Variants in PDE8B observed in about 807,000 individuals in gnomAD.
PDE8B encodes the protein phosphodiesterase 8B.
Under a neutral mutation model 101.3 loss-of-function variants are expected in PDE8B, and 26 were observed. The ratio of observed to expected loss-of-function variants is 0.26; its 90% CI spans 0.19 to 0.36. The LOEUF (loss-of-function observed/expected upper bound fraction) is 0.36. PDE8B is among the 10% of genes least tolerant of loss of function. The pLI is 1.00. For synonymous variants in PDE8B, 424 were observed against 429.3 expected, an observed-to-expected ratio of 0.99 and a Z score of 0.15; for missense variants, 810 against 1,163.1, an observed-to-expected ratio of 0.70 and a Z score of 4.42.
intron 1 of PDE8B, among the ~76,000 whole-genome samples, chr5:77,212,048 A>G (rs1393272495): frequency 6.6e-6 from 1 of 152,196 alleles, no homozygotes; most frequent in Non-Finnish European, 1.5e-5. Flanking sequence ...TAGATGGTTA[A>G]AGCAGTCGCT....
chr5:77,125,647 C>T, the PDE8B span, among the ~76,000 whole-genome samples: 6 of 152,140 alleles, frequency 3.9e-5, no homozygotes, highest in African/African-American at 1.4e-4. Context: ...TGGGTATCTC[C>T]TACATCATCC....
At chr5:77,341,478 A>AGT (rs1779193454) in intron 6 of PDE8B, among the ~76,000 whole-genome samples, 1 of 152,254 alleles carries the variant, frequency 6.6e-6, no homozygotes, top group African/African-American at 2.4e-5. Context: ...AATAGTCTGA[A>AGT]GTACCTGTTT....
intron 2 of PDE8B, among the ~76,000 whole-genome samples, chr5:77,325,290 C>T (rs766545029): frequency 2.0e-5 from 3 of 152,172 alleles, no homozygotes; most frequent in Non-Finnish European, 1.5e-5. Context: ...ATCTCAGCCT[C>T]CTGAGTAGTG....
At chr5:77,281,831 C>T (rs1312621888) in intron 1 of PDE8B, among the ~76,000 whole-genome samples, 1 of 152,158 alleles carries the variant, frequency 6.6e-6, no homozygotes, top group African/African-American at 2.4e-5. Flanking sequence ...GTCATTATCA[C>T]TTCACCCCCT....
the PDE8B span, among the ~76,000 whole-genome samples, chr5:77,150,813 C>A: frequency 6.6e-6 from 1 of 152,086 alleles, no homozygotes; most frequent in South Asian, 2.1e-4. Flanking sequence ...TGAGAACTAC[C>A]CTTATTTTTC....
chr5:77,252,596 T>C (rs1440133704), intron 1 of PDE8B, among the ~76,000 whole-genome samples: 2 of 152,220 alleles, frequency 1.3e-5, no homozygotes, highest in East Asian at 1.9e-4. Flanking sequence ...TGCCCTATTA[T>C]GTCTGTTGCT....
chr5:77,116,951 T>A, the PDE8B span, among the ~76,000 whole-genome samples: 1 of 152,186 alleles, frequency 6.6e-6, no homozygotes, highest in Admixed American at 6.5e-5. Flanking sequence ...GTAAGTGCCC[T>A]TTCCCCCCAG....
At chr5:77,400,223 T>C in intron 10 of PDE8B, 25 bp from the exon 11 acceptor site, 1 of 1,547,348 alleles carries the variant, frequency 6.5e-7, no homozygotes, top group Non-Finnish European at 8.9e-7. Flanking sequence ...TTCTCTTGTT[T>C]TATCAAACTT....
intron 1 of PDE8B, among the ~76,000 whole-genome samples, chr5:77,256,296 TACAC>T (rs1316073368): frequency 2.6e-5 from 4 of 152,194 alleles, no homozygotes; most frequent in East Asian, 1.9e-4. Flanking sequence ...AATCATATCA[TACAC>T]ACACGCATGC....
At chr5:77,203,518 GTGGA>G in the PDE8B span, among the ~76,000 whole-genome samples, 2 of 151,884 alleles carry the variant, frequency 1.3e-5, no homozygotes, top group African/African-American at 2.4e-5. Context: ...GGCTGGCTGG[GTGGA>G]TGGATGGATG....
the PDE8B span, among the ~76,000 whole-genome samples, chr5:77,097,685 T>TTATATATCTATATATATATATCTATATA: frequency 8.3e-4 from 15 of 18,118 alleles, no homozygotes; most frequent in African/African-American, 1.4e-3. Context: ...TGTGGAGATT[T>TTATATATCTATATATATATATCTATATA]TATATATCTA....
chr5:77,402,230 A>AG (rs1322469086), intron 11 of PDE8B, among the ~76,000 whole-genome samples: 1 of 152,012 alleles, frequency 6.6e-6, no homozygotes, highest in Non-Finnish European at 1.5e-5. Context: ...AATATCACTT[A>AG]AAGTACTATT....
At chr5:77,155,313 G>A in the PDE8B span, among the ~76,000 whole-genome samples, 5 of 152,192 alleles carry the variant, frequency 3.3e-5, no homozygotes, top group East Asian at 1.9e-4. Context: ...CAATGTAGCC[G>A]CAGGCAGGTC....
the PDE8B span, among the ~76,000 whole-genome samples, chr5:77,178,075 C>T: frequency 1.3e-5 from 2 of 152,184 alleles, no homozygotes; most frequent in East Asian, 1.9e-4. Flanking sequence ...TTGCCACAGA[C>T]ATGTACTGTA....
At chr5:77,097,729 A>ATCTATATATATATATCTATATCTATATC in the PDE8B span, among the ~76,000 whole-genome samples, 1 of 68,824 alleles carries the variant, frequency 1.5e-5, no homozygotes, top group Admixed American at 2.1e-4. Context: ...ATATATATAT[A>ATCTATATATATATATCTATATCTATATC]TATACATACA....
Position 77,261,701 on chromosome 5 carries a change from G to C in PDE8B, c.340-50293G>C, listed in dbSNP as rs371544136. 1.3e-3 allele frequency among the ~76,000 whole-genome samples: 193 copies of C among 152,310 alleles called. 1 individual carries two copies. Among genetic ancestry groups the C allele is most frequent in the Non-Finnish European group, 2.3e-3 (154 of 68,024 alleles). On this transcript the variant is annotated intron_variant, in intron 1 of 21. Transcript: ENST00000264917. ...CACTAGACCTGTGAAGTACTAGAAG[G>C]TTCCTAAGAGGATTCCAGTAATGAC...
intron 1 of PDE8B, among the ~76,000 whole-genome samples, chr5:77,277,291 A>G (rs1157690607): frequency 2.6e-5 from 4 of 152,240 alleles, no homozygotes; most frequent in African/African-American, 9.6e-5. Flanking sequence ...TAGTGCTCAG[A>G]TGGCCTTTAG....
At chr5:77,192,950 T>A in the PDE8B span, among the ~76,000 whole-genome samples, 10 of 152,204 alleles carry the variant, frequency 6.6e-5, no homozygotes, top group Middle Eastern at 3.2e-3. Context: ...GAGTCTTTTT[T>A]ATATGATTAC....
the PDE8B span, among the ~76,000 whole-genome samples, chr5:77,136,116 T>G: frequency 6.6e-6 from 1 of 152,350 alleles, no homozygotes; most frequent in East Asian, 1.9e-4. Flanking sequence ...TTACTCTTAA[T>G]TTCCAAGAGC....
Sources: gnomAD v4.1 joint callset for allele counts (sites outside exome capture counted in the v4.1 genomes callset) on GRCh38, gnomAD v4.1.1 for gene constraint, MANE v1.5 for transcripts, NCBI Gene and HGNC (gene_info 2026-07-23, HGNC 2026-07-21) for gene names.